The following HOMER2 variants were observed in gnomAD, a reference collection of about 807,000 sequenced individuals.
The protein encoded by HOMER2 is homer protein homolog 2.
In HOMER2, 27 loss-of-function variants were observed where a neutral mutation model predicts 47.0. That is an observed-to-expected ratio of 0.57 (90% CI 0.42 to 0.79). HOMER2 has a LOEUF of 0.79. Ranked by LOEUF, HOMER2 falls within the 30% of genes least tolerant of loss-of-function variation. HOMER2 has a pLI of 0.00. For synonymous variants in HOMER2, 161 were observed against 163.8 expected, an observed-to-expected ratio of 0.98 and a Z score of 0.13; for missense variants, 443 against 435.0, an observed-to-expected ratio of 1.02 and a Z score of -0.16.
chr15:82,922,769 C>T (rs1457043410), intron 1 of HOMER2, among the ~76,000 whole-genome samples: 1 of 152,174 alleles, frequency 6.6e-6, no homozygotes, highest in Non-Finnish European at 1.5e-5. Context: ...AGTCCTCACT[C>T]AGCCTTTGTC....
At chr15:82,968,076 C>T (rs1033208389) in intron 1 of HOMER2, among the ~76,000 whole-genome samples, 1 of 151,990 alleles carries the variant, frequency 6.6e-6, no homozygotes, top group Non-Finnish European at 1.5e-5. Context: ...TTTTTTATTT[C>T]TTTTTTGTAG....
chr15:82,873,250 C>G (rs2052235867), intron 3 of HOMER2, among the ~76,000 whole-genome samples: 1 of 152,214 alleles, frequency 6.6e-6, no homozygotes, highest in African/African-American at 2.4e-5. Flanking sequence ...GCTGATTCCA[C>G]TGGGCCCCTT....
intron 1 of HOMER2, among the ~76,000 whole-genome samples, chr15:82,967,587 C>G (rs1426463377): frequency 6.6e-6 from 1 of 152,136 alleles, no homozygotes; most frequent in Non-Finnish European, 1.5e-5. Flanking sequence ...AAAAACTCCA[C>G]AAAGCAGGCC....
At chr15:82,928,033 A>C (rs1018340126) in intron 1 of HOMER2, among the ~76,000 whole-genome samples, 16 of 151,558 alleles carry the variant, frequency 1.1e-4, no homozygotes, top group African/African-American at 3.4e-4. Context: ...CCACGGCAGC[A>C]TGACTGCCCA....
rs10602958 is a variant in HOMER2, at chr15:82,941,442, CAAAAAAAAA to C, written c.5+11080_5+11088del. Reference sequence around the variant, plus strand: ...TGGGCGACAGAGTGAGAGTCTGTCTCAAAAAAAAAAAAAAAAAAAAAAAAATCCTAAAAC... The same window carrying C: ...TGGGCGACAGAGTGAGAGTCTGTCTCAAAAAAAAAAAAAAAATCCTAAAAC... On this transcript the variant is annotated intron_variant, in intron 1 of 8. Coordinates refer to ENST00000450735, the MANE Select transcript of HOMER2 (RefSeq NM_004839.4). 8.1e-5 allele frequency among the ~76,000 whole-genome samples: 6 copies of C among 74,470 alleles called. No individual in the cohort carries two copies. In the East Asian group the frequency reaches 2.2e-3, roughly 27 times the overall value. The allele number at this position is 74,470 out of a possible 152,430, so 48.9% of individuals were successfully genotyped here. A position where few individuals can be genotyped will look rare whatever the true frequency, so the allele number is the denominator to read the frequency against.
At chr15:82,956,396 G>T (rs2063803244), upstream of HOMER2, among the ~76,000 whole-genome samples, 1 of 152,160 alleles carries the variant, frequency 6.6e-6, no homozygotes, top group Non-Finnish European at 1.5e-5. Flanking sequence ...TGTGGTTAGA[G>T]TGCAGTGAGC....
At chr15:82,975,074 A>G (rs1024462940) in intron 1 of HOMER2, among the ~76,000 whole-genome samples, 14 of 152,302 alleles carry the variant, frequency 9.2e-5, no homozygotes, top group African/African-American at 3.4e-4. Flanking sequence ...TCAAAAAGAA[A>G]AAAAAGACAC....
At chr15:82,918,718 T>C (rs1157329756) in intron 1 of HOMER2, among the ~76,000 whole-genome samples, 1 of 152,142 alleles carries the variant, frequency 6.6e-6, no homozygotes, top group Non-Finnish European at 1.5e-5. Flanking sequence ...GATCTGTCAC[T>C]ATGGCAGAAA....
intron 1 of HOMER2, among the ~76,000 whole-genome samples, chr15:82,967,214 C>G (rs2061946): frequency 0.72 from 108,782 of 152,022 alleles, 40,339 homozygotes; most frequent in African/African-American, 0.91. Context: ...CTGCCCCACT[C>G]CACTCCAGCC....
At chr15:82,958,406 A>C (rs2054603771) in exon 2 of HOMER2, 1 of 152,288 alleles carries the variant, frequency 6.6e-6, no homozygotes, top group Non-Finnish European at 1.5e-5. Context: ...GCTTGGCTCA[A>C]CAGTGTGGTA....
chr15:82,967,176 G>A (rs963421263), intron 1 of HOMER2, among the ~76,000 whole-genome samples: 5 of 152,034 alleles, frequency 3.3e-5, no homozygotes, highest in African/African-American at 1.2e-4. Context: ...GAGCCCAGGA[G>A]TTAGTTCAAG....
chr15:82,835,543 T>C (rs2051117186), downstream of HOMER2: 6 of 151,970 alleles, frequency 3.9e-5, no homozygotes, highest in South Asian at 1.0e-3. Context: ...GCATGGCCAC[T>C]GCCAGGTTTC....
chr15:82,916,853 G>A (rs1237106855), intron 1 of HOMER2, among the ~76,000 whole-genome samples: 4 of 151,034 alleles, frequency 2.6e-5, no homozygotes, highest in Non-Finnish European at 5.9e-5. Flanking sequence ...CCAGACTGGA[G>A]TGCAATGGCG....
intron 3 of HOMER2, among the ~76,000 whole-genome samples, chr15:82,869,039 T>C (rs2052089911): frequency 6.6e-6 from 1 of 152,148 alleles, no homozygotes; most frequent in African/African-American, 2.4e-5. Context: ...TTAATTTGCA[T>C]GTAATTAAAA....
chr15:82,857,932 C>T (rs918327584), intron 5 of HOMER2, among the ~76,000 whole-genome samples: 1 of 152,212 alleles, frequency 6.6e-6, no homozygotes, highest in African/African-American at 2.4e-5. Flanking sequence ...ACCGCTCATG[C>T]AGTAAATTAA....
intron 1 of HOMER2, among the ~76,000 whole-genome samples, chr15:82,921,715 T>A (rs1046702696): frequency 6.6e-6 from 1 of 152,114 alleles, no homozygotes; most frequent in Non-Finnish European, 1.5e-5. Context: ...GTTCAGAGGG[T>A]CTCTGGGGTT....
chr15:82,905,129 A>C (rs1325937949), intron 1 of HOMER2, among the ~76,000 whole-genome samples: 1 of 152,190 alleles, frequency 6.6e-6, no homozygotes, highest in Non-Finnish European at 1.5e-5. Flanking sequence ...TAACAGAACG[A>C]AGAGTGCCTT....
At chr15:82,849,965 C>A in intron 8 of HOMER2, 62 bp from the exon 9 acceptor site, 1 of 1,526,886 alleles carries the variant, frequency 6.5e-7, no homozygotes, top group Non-Finnish European at 9.0e-7. Flanking sequence ...CCTTCAAAAC[C>A]TGCTACAGCT....
intron 1 of HOMER2, among the ~76,000 whole-genome samples, chr15:82,976,743 G>C (rs2030220107): frequency 7.1e-6 from 1 of 141,618 alleles, no homozygotes. Context: ...ACAATGGCGT[G>C]ATCTTGGCTT....
Sources: allele counts gnomAD v4.1 joint callset (sites outside exome capture counted in the v4.1 genomes callset), GRCh38; gene constraint gnomAD v4.1.1; transcripts MANE v1.5; gene names NCBI Gene and HGNC (gene_info 2026-07-23, HGNC 2026-07-21).